PSMA2: variants seen among roughly 807,000 people sequenced by gnomAD.
PSMA2 encodes proteasome subunit alpha type-2.
Under a neutral mutation model 35.9 loss-of-function variants are expected in PSMA2, and 2 were observed. The ratio of observed to expected loss-of-function variants is 0.06; its 90% CI spans 0.02 to 0.18. The LOEUF (loss-of-function observed/expected upper bound fraction) is 0.18, where lower values mean the gene tolerates loss of function less well. Among genes scored for constraint, PSMA2 ranks in the 10% least tolerant of loss-of-function variants. The pLI is 1.00. For missense variants in PSMA2, 126 were observed against 278.8 expected (o/e 0.45, Z 3.90); for synonymous variants, 97 against 98.2 (o/e 0.99, Z 0.07).
At chr7:42,928,401 T>A (rs962775649) in intron 1 of PSMA2, among the ~76,000 whole-genome samples, 6 of 152,118 alleles carry the variant, frequency 3.9e-5, no homozygotes, top group African/African-American at 7.2e-5. Flanking sequence ...CCTAAGACAA[T>A]AAGACCTAGA....
intron 1 of PSMA2, among the ~76,000 whole-genome samples, chr7:42,928,637 G>T (rs149983877): frequency 1.3e-5 from 2 of 152,316 alleles, no homozygotes; most frequent in Non-Finnish European, 2.9e-5. Flanking sequence ...TGTCCAAAGT[G>T]ACACAGCTAG....
At chr7:42,930,900 TATA>T (rs1239427828) in intron 1 of PSMA2, among the ~76,000 whole-genome samples, 3 of 152,188 alleles carry the variant, frequency 2.0e-5, no homozygotes, top group East Asian at 3.9e-4. Flanking sequence ...TCATATGTAA[TATA>T]ATGAGACCTT....
At chr7:42,921,254 A>G (rs1020530731) in intron 6 of PSMA2, 2 of 152,236 alleles carry the variant, frequency 1.3e-5, no homozygotes. Context: ...TACTGCAAAA[A>G]TATGTGCAAC....
intron 3 of PSMA2, among the ~76,000 whole-genome samples, chr7:42,925,306 T>G (rs1462163927): frequency 6.6e-6 from 1 of 152,204 alleles, no homozygotes; most frequent in East Asian, 1.9e-4. Flanking sequence ...GTGCAGTGTT[T>G]CACGCCTGTA....
At chr7:42,922,389 G>A (rs531005596) in intron 5 of PSMA2, among the ~76,000 whole-genome samples, 5 of 152,156 alleles carry the variant, frequency 3.3e-5, no homozygotes, top group African/African-American at 1.2e-4. Context: ...GATCATTAGT[G>A]AATTAAAAAG....
intron 6 of PSMA2, chr7:42,919,909 T>A (rs1481311943): frequency 2.6e-6 from 2 of 755,364 alleles, no homozygotes; most frequent in Non-Finnish European, 5.0e-6. Context: ...GATGGAACAC[T>A]GAGACTGGCA....
chr7:42,932,065 C>T (rs1338254597), intron 1 of PSMA2, 53 bp downstream of exon 1: 2 of 1,610,562 alleles, frequency 1.2e-6, no homozygotes, highest in Non-Finnish European at 1.7e-6. Context: ...ACTAAATCGA[C>T]AGAGTACCAG....
intron 6 of PSMA2, chr7:42,919,230 T>G (rs1562700120): frequency 1.6e-6 from 1 of 616,118 alleles, no homozygotes. Context: ...ATAAAGATGC[T>G]GTCTGGAATG....
intron 4 of PSMA2, 60 bp from the exon 5 acceptor site, chr7:42,923,466 A>C: frequency 7.6e-7 from 1 of 1,316,572 alleles, no homozygotes; most frequent in Non-Finnish European, 1.1e-6. Flanking sequence ...CATCCTCAAG[A>C]ATTTATCAGT....
chr7:42,926,224 A>C (rs1786214718), intron 3 of PSMA2, among the ~76,000 whole-genome samples: 1 of 152,266 alleles, frequency 6.6e-6, no homozygotes, highest in Non-Finnish European at 1.5e-5. Context: ...GCACTGGCGA[A>C]AACTAAAGCC....
In PSMA2 at chr7:42,932,167, G is replaced by T. The variant is rs1554327422; in HGVS notation, c.-9C>A. The T allele has an allele frequency of 1.2e-6, 2 of 1,614,102 alleles. No homozygotes were observed. Among genetic ancestry groups the T allele is most frequent in the Non-Finnish European group, 1.7e-6 (2 of 1,180,032 alleles). ...TACCCGCGCTCCGCCATCTTTACCC[G>T]AAGAGCCAAAGCACAGCCGCACACA... On this transcript the variant is annotated 5_prime_UTR_variant, in exon 1 of 8. Coordinates refer to ENST00000223321, the MANE Select transcript of PSMA2 (RefSeq NM_002787.5).
intron 2 of PSMA2, 152 bp from the exon 3 acceptor site, chr7:42,926,820 G>C: frequency 1.1e-6 from 1 of 940,624 alleles, no homozygotes; most frequent in Non-Finnish European, 1.5e-6. Flanking sequence ...AATTACCTAA[G>C]AAATGGTAAG....
intron 4 of PSMA2, among the ~76,000 whole-genome samples, chr7:42,923,872 A>T (rs2128674112): frequency 6.6e-6 from 1 of 152,356 alleles, no homozygotes; most frequent in Middle Eastern, 3.4e-3. Flanking sequence ...CAGCTTTTCC[A>T]CTAGGTTTAC....
At chr7:42,926,280 G>T (rs181130544) in intron 3 of PSMA2, among the ~76,000 whole-genome samples, 3 of 152,216 alleles carry the variant, frequency 2.0e-5, no homozygotes, top group Admixed American at 6.5e-5. Context: ...TGTCAGAAGA[G>T]AAAGTCCGCT....
At chr7:42,920,552 A>G (rs1161090717) in intron 6 of PSMA2, 2 of 152,268 alleles carry the variant, frequency 1.3e-5, no homozygotes, top group Admixed American at 1.3e-4. Flanking sequence ...CTGGTTCTGA[A>G]CATCTAATTA....
chr7:42,926,580 G>T lies in PSMA2; in HGVS notation c.207C>A (p.Thr69=). 1 of 1,609,618 alleles carries T rather than the reference G, an allele frequency of 6.2e-7. No homozygotes were observed. The highest frequency in any genetic ancestry group is 1.1e-5 in the South Asian group (1 of 90,256). The part of the protein sequence containing the change: ...ERSVHKVEPI[T]KHIGLVYSGM... ...CACTGTACACCAAACCTATATGCTT[G>T]GTAATTGGTTCTACTTTGTGTACAC... The change falls in exon 3 of 8, where the codon ACC becomes ACA. Residue 69 remains threonine, a synonymous_variant. Coordinates refer to ENST00000223321, the MANE Select transcript of PSMA2 (RefSeq NM_002787.5).
chr7:42,921,682 T>C, intron 6 of PSMA2, 176 bp downstream of exon 6: 1 of 419,598 alleles, frequency 2.4e-6, no homozygotes, highest in Non-Finnish European at 4.2e-6. Context: ...TACCACTTAA[T>C]ATACTGAAGT....
chr7:42,925,236 C>G (rs867495443), intron 3 of PSMA2, among the ~76,000 whole-genome samples: 9 of 152,180 alleles, frequency 5.9e-5, no homozygotes, highest in Non-Finnish European at 1.2e-4. Flanking sequence ...ACGGAGTACC[C>G]TTCAGAGATT....
intron 5 of PSMA2, 117 bp downstream of exon 5, chr7:42,923,208 G>T: frequency 1.3e-6 from 1 of 797,340 alleles, no homozygotes; most frequent in Non-Finnish European, 2.0e-6. Flanking sequence ...ACTTTCTAAA[G>T]CCCAAGAGAA....
Sources: gnomAD v4.1 joint callset for allele counts (sites outside exome capture counted in the v4.1 genomes callset) on GRCh38, gnomAD v4.1.1 for gene constraint, MANE v1.5 for transcripts, NCBI Gene and HGNC (gene_info 2026-07-23, HGNC 2026-07-21) for gene names.